The following EPB41L4B variants were observed in gnomAD, a reference collection of about 807,000 sequenced individuals.
EPB41L4B encodes erythrocyte membrane protein band 4.1 like 4B.
Under a neutral mutation model 112.5 loss-of-function variants are expected in EPB41L4B, and 30 were observed. That is an observed-to-expected ratio of 0.27 (90% CI 0.20 to 0.36). EPB41L4B has a LOEUF of 0.36. EPB41L4B is among the 10% of genes least tolerant of loss of function. The pLI, the probability that EPB41L4B is intolerant of heterozygous loss-of-function variation, is 1.00. For missense variants in EPB41L4B, 1,024 were observed against 1,133.3 expected (o/e 0.90, Z 1.38); for synonymous variants, 408 against 439.7 (o/e 0.93, Z 0.90).
chr9:109,268,774 G>A (rs1026720996), intron 2 of EPB41L4B, among the ~76,000 whole-genome samples: 4 of 151,840 alleles, frequency 2.6e-5, no homozygotes, highest in Non-Finnish European at 5.9e-5. Context: ...GCGCGCGCCT[G>A]TAGTCCCAGC....
chr9:109,216,836 G>A (rs1833387841), intron 16 of EPB41L4B, 86 bp downstream of exon 16: 8 of 1,338,800 alleles, frequency 6.0e-6, no homozygotes, highest in South Asian at 3.6e-5. Flanking sequence ...TGCACCGCAA[G>A]GGTCTGTCTT....
intron 15 of EPB41L4B, chr9:109,239,811 C>T (rs1834289612): frequency 1.0e-6 from 1 of 985,388 alleles, no homozygotes; most frequent in Non-Finnish European, 1.2e-6. Flanking sequence ...GTTTGGATGC[C>T]TTCCTGCCAG....
chr9:109,307,195 T>A (rs763559630), intron 1 of EPB41L4B: 2 of 479,106 alleles, frequency 4.2e-6, no homozygotes, highest in African/African-American at 2.0e-5. Context: ...CATACAATCC[T>A]TTCCCTTTTA....
rs1333089719 is a variant in EPB41L4B at position 109,320,733 on chromosome 9, GGCGGCCTGC to G, written c.-296_-288del. 1.4e-5 allele frequency: 2 copies of G among 143,134 alleles called. No individual in the cohort carries two copies. Among genetic ancestry groups the G allele is most frequent in the East Asian group, 2.1e-4 (1 of 4,768 alleles). The allele number at this position is 143,134 out of a possible 1,614,324, so 8.9% of individuals were successfully genotyped here. A position where few individuals can be genotyped will look rare whatever the true frequency, so the allele number is the denominator to read the frequency against. On this transcript the variant is annotated 5_prime_UTR_variant, in exon 1 of 26. Coordinates refer to ENST00000374566, the MANE Select transcript of EPB41L4B (RefSeq NM_019114.5). ...CCGCCGCCGCGCGCTCTCCCGGGCCGGCGGCCTGCGCGGGCTGCCGAGGGGCTGCTCCGG... is the reference window on the plus strand; with the variant it reads ...CCGCCGCCGCGCGCTCTCCCGGGCCGGCGGGCTGCCGAGGGGCTGCTCCGG...
intron 3 of EPB41L4B, 90 bp from the exon 4 acceptor site, chr9:109,267,641 T>G: frequency 1.2e-6 from 1 of 850,108 alleles, no homozygotes; most frequent in Non-Finnish European, 2.0e-6. Flanking sequence ...GTTAAATCTA[T>G]AACATTTAGC....
intron 1 of EPB41L4B, among the ~76,000 whole-genome samples, chr9:109,308,464 G>A (rs1837299505): frequency 6.6e-6 from 1 of 152,216 alleles, no homozygotes. Context: ...TCAAAAAGGT[G>A]AAGAGAAGGT....
chr9:109,181,469 C>G (rs995574651), intron 24 of EPB41L4B, among the ~76,000 whole-genome samples: 3 of 152,172 alleles, frequency 2.0e-5, no homozygotes. Context: ...AAAACACTTT[C>G]AAATTCTTGG....
intron 15 of EPB41L4B, among the ~76,000 whole-genome samples, chr9:109,237,020 T>G (rs1359198730): frequency 6.6e-6 from 1 of 152,222 alleles, no homozygotes; most frequent in Non-Finnish European, 1.5e-5. Flanking sequence ...AGTTCTTTAA[T>G]GAGCTCAGAT....
chr9:109,316,669 A>G (rs1304624284), intron 1 of EPB41L4B, among the ~76,000 whole-genome samples: 1 of 152,224 alleles, frequency 6.6e-6, no homozygotes, highest in Non-Finnish European at 1.5e-5. Flanking sequence ...TAGGGCGAGC[A>G]AGGGCTCATC....
At chr9:109,316,539 T>A (rs1259036580) in intron 1 of EPB41L4B, among the ~76,000 whole-genome samples, 6 of 152,160 alleles carry the variant, frequency 3.9e-5, no homozygotes, top group African/African-American at 1.2e-4. Context: ...CCTGCCCTGC[T>A]CTGACCAGAC....
At chr9:109,297,203 G>T (rs558204449) in intron 1 of EPB41L4B, among the ~76,000 whole-genome samples, 5 of 140,400 alleles carry the variant, frequency 3.6e-5, no homozygotes, top group South Asian at 4.7e-4. Flanking sequence ...CTGGGGGGGT[G>T]GGGGGGGATC....
intron 22 of EPB41L4B, among the ~76,000 whole-genome samples, chr9:109,186,534 G>A (rs1009139131): frequency 1.3e-5 from 2 of 151,748 alleles, no homozygotes; most frequent in African/African-American, 4.8e-5. Context: ...GAGTGCAGTC[G>A]TGTGATCACA....
chr9:109,188,741 C>T (rs1019388283), intron 22 of EPB41L4B, among the ~76,000 whole-genome samples: 2 of 152,202 alleles, frequency 1.3e-5, no homozygotes, highest in Non-Finnish European at 2.9e-5. Context: ...CTGGCCAGGG[C>T]CCTGTCCTTC....
chr9:109,315,931 A>AT (rs899343355), intron 1 of EPB41L4B, among the ~76,000 whole-genome samples: 109 of 147,500 alleles, frequency 7.4e-4, no homozygotes, highest in East Asian at 2.0e-3. Flanking sequence ...CTGGCACAGC[A>AT]TTTTTTTTTT....
intron 1 of EPB41L4B, among the ~76,000 whole-genome samples, chr9:109,281,620 A>C (rs1333581064): frequency 6.6e-6 from 1 of 152,110 alleles, no homozygotes; most frequent in South Asian, 2.1e-4. Context: ...GGGAGGTGGA[A>C]GTTGCAGCGA....
intron 1 of EPB41L4B, among the ~76,000 whole-genome samples, chr9:109,316,772 G>C (rs1011320450): frequency 6.6e-6 from 1 of 152,098 alleles, no homozygotes; most frequent in Admixed American, 6.5e-5. Flanking sequence ...TTTTATCAAA[G>C]ACTGGAAAGC....
chr9:109,256,011 A>C (rs1834970262), intron 9 of EPB41L4B, 125 bp downstream of exon 9: 2 of 1,130,142 alleles, frequency 1.8e-6, no homozygotes, highest in African/African-American at 3.1e-5. Context: ...GACCCACAAC[A>C]GCAGCACCGT....
Position 109,255,282 on chromosome 9 carries a change from A to G in EPB41L4B, c.1169+229T>C, listed in dbSNP as rs551558233. 5.3e-5 allele frequency among the ~76,000 whole-genome samples: 8 copies of G among 152,354 alleles called. No individual in the cohort carries two copies. The South Asian group carries it at 1.7e-3, about 32-fold the overall frequency. ...GCTAGTGCCTACTGTATTGAACAGC[A>G]CAGCTCTGACTAAATGTCAGTTATT... On this transcript the variant is annotated intron_variant, in intron 11 of 25. Transcript: ENST00000374566.
chr9:109,192,293 T>C lies in EPB41L4B; in HGVS notation c.2286A>G (p.Thr762=). 2 of 1,610,592 alleles carry C rather than the reference T, an allele frequency of 1.2e-6. No homozygotes were observed. Among genetic ancestry groups the C allele is most frequent in the African/African-American group, 2.7e-5 (2 of 74,888 alleles). ...LEPGDLLMDF[T]EATPLAEPAS... is the part of the protein sequence containing the mutation. ...GGAAGTTTACCAGAGGAGTGGCTTC[T>C]GTGAAATCCATCAGAAGATCACCCG... The change falls in exon 22 of 26, where the codon ACA becomes ACG. Residue 762 remains threonine, a synonymous_variant. Transcript: ENST00000374566.
Sources: allele counts gnomAD v4.1 joint callset (sites outside exome capture counted in the v4.1 genomes callset), GRCh38; gene constraint gnomAD v4.1.1; transcripts MANE v1.5; gene names NCBI Gene and HGNC (gene_info 2026-07-23, HGNC 2026-07-21).